HDAC1: variants seen among roughly 807,000 people sequenced by gnomAD.
HDAC1 encodes protein deacetylase HDAC1.
HDAC1 carries 18 observed loss-of-function variants against 65.5 expected under a neutral mutation model. That is an observed-to-expected ratio of 0.27 (90% CI 0.19 to 0.41). The LOEUF is 0.41. HDAC1 is among the 10% of genes least tolerant of loss of function. HDAC1 has a pLI of 1.00. For missense variants in HDAC1, 373 were observed against 625.2 expected, an observed-to-expected ratio of 0.60 and a Z score of 4.30; for synonymous variants, 211 against 227.9, an observed-to-expected ratio of 0.93 and a Z score of 0.67.
intron 1 of HDAC1, among the ~76,000 whole-genome samples, chr1:32,299,274 A>C (rs1640813782): frequency 6.6e-6 from 1 of 151,934 alleles, no homozygotes; most frequent in African/African-American, 2.4e-5. Flanking sequence ...AAACTAATTA[A>C]AAACTGTTAA....
Position 32,331,654 on chromosome 1 carries a change from T to A in HDAC1, c.1089-22T>A. 6.2e-7 allele frequency: 1 copy of A among 1,613,436 alleles called. No homozygotes were observed. Among genetic ancestry groups the A allele is most frequent in the Non-Finnish European group, 8.5e-7 (1 of 1,179,496 alleles). On this transcript the variant is annotated intron_variant, in intron 10 of 13. Coordinates refer to ENST00000373548, the MANE Select transcript of HDAC1 (RefSeq NM_004964.3). The surrounding 1 kb of genome is among the most constrained non-coding windows in gnomAD (Gnocchi z 4.2). ...GGTTTGTCCCTGACCAGAGCCCTGC[T>A]ACTCTCTCCCATTGGCCACAGACAG...
Position 32,302,682 on chromosome 1 carries a change from G to T in HDAC1, c.111G>T (p.Met37Ile). 1 of 1,609,070 alleles carries T rather than the reference G, an allele frequency of 6.2e-7. No individual in the cohort carries two copies. The highest frequency in any genetic ancestry group is 1.1e-5 in the South Asian group (1 of 90,954). Residue 37 changes from methionine (M) to isoleucine (I), a missense_variant, in exon 2 of 14, where the codon ATG (methionine) becomes ATT (isoleucine). Transcript: ENST00000373548. ...GHPMKPHRIR[M>I]THNLLLNYGL... ...CAATGAAGCCTCACCGAATCCGCAT[G>T]ACTCATAATTTGCTGCTCAACTATG...
At chr1:32,310,157 A>T (rs1401978368) in intron 2 of HDAC1, among the ~76,000 whole-genome samples, 1 of 152,192 alleles carries the variant, frequency 6.6e-6, no homozygotes, top group Non-Finnish European at 1.5e-5. Flanking sequence ...AGCTATGTAA[A>T]TAAAGATTGT....
Position 32,327,891 on chromosome 1 carries a change from C to T in HDAC1, c.636+214C>T. The T allele has an allele frequency of 1.7e-6, 1 of 601,036 alleles. No individual in the cohort carries two copies. Among genetic ancestry groups the T allele is most frequent in the South Asian group, 1.9e-5 (1 of 52,906 alleles). The allele number at this position is 601,036 out of a possible 1,614,324, so 37.2% of individuals were successfully genotyped here. On this transcript the variant is annotated intron_variant, in intron 6 of 13. Transcript: ENST00000373548. The surrounding 1 kb of genome is among the most constrained non-coding windows in gnomAD (Gnocchi z 6.0). ...AGGGCCAGAGAAAGAAGAGGGGTCTCCTGACTCACTGTACTTTCCTCCTGG... is the reference window on the plus strand; with the variant it reads ...AGGGCCAGAGAAAGAAGAGGGGTCTTCTGACTCACTGTACTTTCCTCCTGG...
chr1:32,324,930 C>T (rs1033350034), intron 4 of HDAC1, among the ~76,000 whole-genome samples: 8 of 152,098 alleles, frequency 5.3e-5, no homozygotes, highest in African/African-American at 1.9e-4. Context: ...CACACCACTA[C>T]ACTCTAGCCT....
chr1:32,320,899 C>CAAAAAAAAAAAAAAAAAAAA (rs1160071616), intron 3 of HDAC1, among the ~76,000 whole-genome samples: 1 of 23,372 alleles, frequency 4.3e-5, no homozygotes, highest in African/African-American at 9.0e-5. Flanking sequence ...GACTCCATCT[C>CAAAAAAAAAAAAAAAAAAAA]AAAAAAAAAA....
rs1641293148 is a variant in HDAC1 at position 32,331,655 on chromosome 1, ACT to A, written c.1089-15_1089-14del. On this transcript the variant is annotated intron_variant, in intron 10 of 13. Coordinates refer to ENST00000373548, the MANE Select transcript of HDAC1 (RefSeq NM_004964.3). This position sits in a 1 kb window ranked among gnomAD's most constrained non-coding sequence, Gnocchi z 4.2. ...GTTTGTCCCTGACCAGAGCCCTGCT[ACT>A]CTCTCCCATTGGCCACAGACAGCGA... is the stretch of plus-strand genomic sequence containing the variant. 3 of 1,612,804 alleles carry A rather than the reference ACT, an allele frequency of 1.9e-6. No homozygotes were observed. Among genetic ancestry groups the A allele is most frequent in the South Asian group, 2.2e-5 (2 of 90,998 alleles).
In HDAC1 at chr1:32,316,232, C is replaced by G. The variant is rs540992984; in HGVS notation, c.163-433C>G. The stretch of plus-strand genomic sequence containing the variant: ...CCGGGAGGCGGAGCTTGCAGTGAGC[C>G]GAGATTGCGCCACTGCACTCTAGCC... On this transcript the variant is annotated intron_variant, in intron 2 of 13. Coordinates refer to ENST00000373548, the MANE Select transcript of HDAC1 (RefSeq NM_004964.3). Among the ~76,000 whole-genome samples the G allele has an allele frequency of 2.0e-5, 3 of 151,460 alleles. No individual in the cohort carries two copies. The East Asian group carries it at 5.8e-4, about 29-fold the overall frequency.
chr1:32,317,369 GA>G (rs894064724), intron 3 of HDAC1, among the ~76,000 whole-genome samples: 35 of 151,066 alleles, frequency 2.3e-4, no homozygotes, highest in South Asian at 6.3e-4. Flanking sequence ...CTGTGAGGGG[GA>G]AAAAAAAAGT....
intron 13 of HDAC1, 72 bp downstream of exon 13, chr1:32,332,821 G>A (rs1012021978): frequency 5.1e-6 from 7 of 1,366,082 alleles, no homozygotes; most frequent in African/African-American, 1.4e-5. Flanking sequence ...CCACTCTGAG[G>A]AAAGGCACAG....
chr1:32,292,296 A>G (rs2124391845), intron 1 of HDAC1, 78 bp downstream of exon 1: 2 of 1,539,280 alleles, frequency 1.3e-6, no homozygotes, highest in African/African-American at 2.7e-5. Context: ...TGGAGCGCCG[A>G]TGGGAGGCTG....
rs1265365003 is a variant in HDAC1, at chr1:32,329,404, C to T, written c.729+244C>T. ...ATATCTAAGACATGATCTTTGCCCT[C>T]ACGGACTATGGTGGGGAAGGCAGGC... On this transcript the variant is annotated intron_variant, in intron 7 of 13. Coordinates refer to ENST00000373548, the MANE Select transcript of HDAC1 (RefSeq NM_004964.3). The surrounding 1 kb of genome is among the most constrained non-coding windows in gnomAD (Gnocchi z 4.1). The T allele has an allele frequency of 1.2e-5, 7 of 583,356 alleles. No individual in the cohort carries two copies. The highest frequency in any genetic ancestry group is 2.1e-5 in the Non-Finnish European group (7 of 326,110). 36.1% of individuals were successfully genotyped at this position (583,356 alleles called of 1,614,324 possible). A position where few individuals can be genotyped will look rare whatever the true frequency, so the allele number is the denominator to read the frequency against.
chr1:32,331,999 T>C lies in HDAC1; in HGVS notation c.1220-91T>C, dbSNP rs1641298741. The C allele has an allele frequency of 6.9e-7, 1 of 1,442,176 alleles. No homozygotes were observed. Among genetic ancestry groups the C allele is most frequent in the Non-Finnish European group, 9.2e-7 (1 of 1,082,266 alleles). 89.3% of individuals were successfully genotyped at this position (1,442,176 alleles called of 1,614,324 possible). On this transcript the variant is annotated intron_variant, in intron 11 of 13. Transcript: ENST00000373548. The surrounding 1 kb of genome is among the most constrained non-coding windows in gnomAD (Gnocchi z 4.2). ...CTGGTTCCCTTTCCCTTGGTGTCTC[T>C]TGGAGGACACGCAGGGAAGCACTGG...
chr1:32,329,420 GAAGGCAGGC>G lies in HDAC1; in HGVS notation c.729+262_729+270del, dbSNP rs1641262030. The G allele has an allele frequency of 3.5e-6, 2 of 574,682 alleles. No individual in the cohort carries two copies. Among genetic ancestry groups the G allele is most frequent in the African/African-American group, 3.7e-5 (2 of 53,390 alleles). The allele number at this position is 574,682 out of a possible 1,614,324, so 35.6% of individuals were successfully genotyped here. A position where few individuals can be genotyped will look rare whatever the true frequency, so the allele number is the denominator to read the frequency against. ...CTTTGCCCTCACGGACTATGGTGGG[GAAGGCAGGC>G]ACATACCCAGTAGTCTATGATTAGT... On this transcript the variant is annotated intron_variant, in intron 7 of 13. Transcript: ENST00000373548. The surrounding 1 kb of genome is among the most constrained non-coding windows in gnomAD (Gnocchi z 4.1).
chr1:32,292,272 C>G, intron 1 of HDAC1, 54 bp downstream of exon 1: 1 of 1,545,198 alleles, frequency 6.5e-7, no homozygotes, highest in Non-Finnish European at 8.7e-7. Context: ...GACCGGGAAC[C>G]TGGAGGCTGA....
chr1:32,332,994 G>T, intron 13 of HDAC1, 23 bp from the exon 14 acceptor site: 3 of 1,613,108 alleles, frequency 1.9e-6, no homozygotes, highest in Non-Finnish European at 2.5e-6. Flanking sequence ...GTCATCTCAT[G>T]CCAGTCTCTG....
intron 2 of HDAC1, among the ~76,000 whole-genome samples, chr1:32,307,268 C>T (rs1007355274): frequency 6.6e-6 from 1 of 152,104 alleles, no homozygotes; most frequent in African/African-American, 2.4e-5. Context: ...AAAGAAGATT[C>T]ATTCCTACTG....
At chr1:32,328,596 T>C (rs1338481493) in intron 6 of HDAC1, among the ~76,000 whole-genome samples, 1 of 152,162 alleles carries the variant, frequency 6.6e-6, no homozygotes, top group Non-Finnish European at 1.5e-5. Context: ...TGGACTTAAA[T>C]AGGCGCACTC....
chr1:32,316,773 A>T lies in HDAC1; in HGVS notation c.271A>T (p.Met91Leu), dbSNP rs773959185. ...TAACATGTCGGAGTACAGCAAGCAGATGCAGAGATGTAAGTCCATTCTGTT... is the reference window on the plus strand; with the variant it reads ...TAACATGTCGGAGTACAGCAAGCAGTTGCAGAGATGTAAGTCCATTCTGTT... ...PDNMSEYSKQ[M>L]QRFNVGEDCP... is the part of the protein sequence containing the mutation. The change falls in exon 3 of 14, where the codon ATG (methionine) becomes TTG (leucine). Residue 91 changes from methionine (M) to leucine (L), a missense_variant. Transcript: ENST00000373548. The T allele has an allele frequency of 3.1e-6, 5 of 1,597,166 alleles. No individual in the cohort carries two copies. The South Asian group carries it at 5.5e-5, about 18-fold the overall frequency.
Sources: allele counts gnomAD v4.1 joint callset (sites outside exome capture counted in the v4.1 genomes callset), GRCh38; gene constraint gnomAD v4.1.1; non-coding constraint Gnocchi (gnomAD v3.1); transcripts MANE v1.5; gene names NCBI Gene and HGNC (gene_info 2026-07-23, HGNC 2026-07-21).